The following RTBDN variants were observed in gnomAD, a reference collection of about 807,000 sequenced individuals.
RTBDN encodes retbindin.
Under a neutral mutation model 21.9 loss-of-function variants are expected in RTBDN, and 24 were observed. The observed-to-expected ratio is 1.10, with a 90% CI of 0.79 to 1.54. RTBDN has a LOEUF of 1.54. RTBDN is among the 40% of genes most tolerant of loss of function. The probability of loss-of-function intolerance (pLI) is 0.00; values close to 1 mark genes in which losing one functional copy is unlikely to be tolerated. For missense variants in RTBDN, 325 were observed against 315.2 expected (o/e 1.03, Z -0.23); for synonymous variants, 141 against 125.9 (o/e 1.12, Z -0.80).
chr19:12,833,701 G>T (rs892808794), intron 1 of RTBDN, among the ~76,000 whole-genome samples: 1 of 151,760 alleles, frequency 6.6e-6, no homozygotes, highest in Non-Finnish European at 1.5e-5. Context: ...TCCCATGGGG[G>T]CACCAGGAGG....
intron 4 of RTBDN, among the ~76,000 whole-genome samples, chr19:12,828,211 C>G (rs1406155289): frequency 6.6e-6 from 1 of 151,818 alleles, no homozygotes; most frequent in Non-Finnish European, 1.5e-5. Context: ...GCCTGACCAA[C>G]ATAGTGAAAC....
rs898836291 is a variant in RTBDN, at chr19:12,828,710, C to A, written c.312G>T (p.Arg104=). Residue 104 remains arginine, a synonymous_variant, in exon 4 of 6, where the codon CGG becomes CGT. Coordinates refer to ENST00000674343, the MANE Select transcript of RTBDN (RefSeq NM_001270441.2). ...QRALRSRFRL[R]LLGVRQAQPL... Reference sequence around the variant, plus strand: ...GCTGTGCCTGGCGTACCCCCAATAGCCGCAGGCGGAAGCGACTGCGAAGGG... The same window carrying A: ...GCTGTGCCTGGCGTACCCCCAATAGACGCAGGCGGAAGCGACTGCGAAGGG... The A allele has an allele frequency of 1.9e-6, 3 of 1,614,222 alleles. No homozygotes were observed. Among genetic ancestry groups the A allele is most frequent in the Admixed American group, 1.7e-5 (1 of 60,028 alleles).
rs1969539615 is a variant in RTBDN at position 12,830,698 on chromosome 19, T to C, written c.-18-701A>G. On this transcript the variant is annotated intron_variant, in intron 1 of 5. Coordinates refer to ENST00000674343, the MANE Select transcript of RTBDN (RefSeq NM_001270441.2). The surrounding 1 kb of genome is among the most constrained non-coding windows in gnomAD (Gnocchi z 4.2). ...GGCTGCTGAAAGGGGCGTGGCTTAA[T>C]GCAGGGGCGGGACCTCCCACCGTCC... is the stretch of plus-strand genomic sequence containing the variant. 10 of 985,536 alleles carry C rather than the reference T, an allele frequency of 1.0e-5. No individual in the cohort carries two copies. The highest frequency in any genetic ancestry group is 4.7e-5 in the South Asian group (1 of 21,290). The allele number at this position is 985,536 out of a possible 1,614,324, so 61.0% of individuals were successfully genotyped here.
At chr19:12,832,005 A>G (rs977861019) in intron 1 of RTBDN, among the ~76,000 whole-genome samples, 3 of 151,992 alleles carry the variant, frequency 2.0e-5, no homozygotes, top group African/African-American at 7.3e-5. Flanking sequence ...TTTCCTAAGT[A>G]TGTGTTTGTA....
chr19:12,832,478 G>C (rs141674869), intron 1 of RTBDN: 50 of 152,314 alleles, frequency 3.3e-4, no homozygotes, highest in African/African-American at 1.2e-3. Context: ...CAGCCTCTGG[G>C]CTATGCCTCA....
At chr19:12,829,424 A>G (rs1362712007) in intron 2 of RTBDN, among the ~76,000 whole-genome samples, 1 of 152,126 alleles carries the variant, frequency 6.6e-6, no homozygotes, top group Non-Finnish European at 1.5e-5. Context: ...GCTGGTCTCA[A>G]ACTCCTGACC....
chr19:12,826,924 G>T (rs893298684), intron 4 of RTBDN, 53 bp from the exon 5 acceptor site: 14 of 1,267,048 alleles, frequency 1.1e-5, no homozygotes, highest in African/African-American at 1.5e-5. Flanking sequence ...ACATTCCAGC[G>T]CGATTCTGGC....
chr19:12,829,755 C>A (rs1333284153), intron 2 of RTBDN, 56 bp downstream of exon 2: 4 of 1,545,680 alleles, frequency 2.6e-6, no homozygotes, highest in South Asian at 1.2e-5. Context: ...ATTGTCATGG[C>A]AGGGTAGGTG....
chr19:12,830,984 G>T lies in RTBDN; in HGVS notation c.-18-987C>A, dbSNP rs925458517. ...TGTATGTGTGTTTTTGTTGTATGAG[G>T]TTATGTTTATGTGTGTTTCTTGGTG... On this transcript the variant is annotated intron_variant, in intron 1 of 5. Transcript: ENST00000674343. The surrounding 1 kb of genome is among the most constrained non-coding windows in gnomAD (Gnocchi z 4.2). 7.2e-6 allele frequency among the ~76,000 whole-genome samples: 1 copy of T among 139,658 alleles called. No homozygotes were observed. Among genetic ancestry groups the T allele is most frequent in the Non-Finnish European group, 1.5e-5 (1 of 65,034 alleles). The allele number at this position is 139,658 out of a possible 152,430, so 91.6% of individuals were successfully genotyped here.
Position 12,826,867 on chromosome 19 carries a change from C to G in RTBDN, c.370G>C (p.Ala124Pro), listed in dbSNP as rs1316772363. 1.9e-6 allele frequency: 3 copies of G among 1,550,276 alleles called. No individual in the cohort carries two copies. Among genetic ancestry groups the G allele is most frequent in the Admixed American group, 2.0e-5 (1 of 51,092 alleles). ...LCEELCQAWF[A>P]NCEDDITCGP... ...CAGGTGATATCATCTTCGCAGTTGGCGAACCTGGAGATGGCGAGTGGAGAG... is the reference window on the plus strand; with the variant it reads ...CAGGTGATATCATCTTCGCAGTTGGGGAACCTGGAGATGGCGAGTGGAGAG... The change falls in exon 5 of 6, where the codon GCC (alanine) becomes CCC (proline). Residue 124 changes from alanine to proline, a missense_variant. Transcript: ENST00000674343.
chr19:12,828,467 T>A (rs1361326640), intron 4 of RTBDN, among the ~76,000 whole-genome samples, 190 bp downstream of exon 4: 1 of 152,140 alleles, frequency 6.6e-6, no homozygotes, highest in Non-Finnish European at 1.5e-5. Flanking sequence ...ATATGGCAGG[T>A]ATCTTAAAAG....
chr19:12,835,100 T>C (rs1199240609), upstream of RTBDN: 1 of 1,613,040 alleles, frequency 6.2e-7, no homozygotes, highest in East Asian at 2.2e-5. Context: ...TTCGTCCATT[T>C]CTAGACTCCC....
In RTBDN at chr19:12,830,785, G is replaced by A. The variant is rs1459431522; in HGVS notation, c.-18-788C>T. 4.2e-6 allele frequency: 2 copies of A among 479,720 alleles called. No homozygotes were observed. The highest frequency in any genetic ancestry group is 5.4e-6 in the Non-Finnish European group (2 of 367,948). 29.7% of individuals were successfully genotyped at this position (479,720 alleles called of 1,614,324 possible). On this transcript the variant is annotated intron_variant, in intron 1 of 5. Transcript: ENST00000674343. The surrounding 1 kb of genome is among the most constrained non-coding windows in gnomAD (Gnocchi z 4.2). Reference sequence around the variant, plus strand: ...GGGGCTGGTGTGTATATATCCTTGTGTTTGTTTTTATGTTCAGCTTGTGGC... The same window carrying A: ...GGGGCTGGTGTGTATATATCCTTGTATTTGTTTTTATGTTCAGCTTGTGGC...
intron 4 of RTBDN, among the ~76,000 whole-genome samples, chr19:12,828,093 CAA>C (rs61021695): frequency 0.044 from 5,542 of 125,176 alleles, 199 homozygotes; most frequent in Middle Eastern, 0.094. Flanking sequence ...AACTCCATCT[CAA>C]AAAAAAAAAA....
intron 4 of RTBDN, among the ~76,000 whole-genome samples, chr19:12,828,257 A>G (rs1217859053): frequency 4.7e-5 from 7 of 150,436 alleles, no homozygotes; most frequent in South Asian, 2.1e-4. Context: ...TTAGCCGGGC[A>G]TGGTGGTGTG....
At chr19:12,831,434 G>A (rs1024992454) in intron 1 of RTBDN, among the ~76,000 whole-genome samples, 12 of 152,318 alleles carry the variant, frequency 7.9e-5, no homozygotes, top group African/African-American at 2.9e-4. Context: ...GCCAGGCATG[G>A]TGGTTCACAC....
chr19:12,831,530 C>T (rs944162348), intron 1 of RTBDN, among the ~76,000 whole-genome samples: 1 of 152,096 alleles, frequency 6.6e-6, no homozygotes. Context: ...CGTGGTGAAA[C>T]CCCATCTCTA....
In RTBDN at chr19:12,830,797, G is replaced by T; in HGVS notation, c.-18-800C>A. 2 of 362,548 alleles carry T rather than the reference G, an allele frequency of 5.5e-6. No individual in the cohort carries two copies. Among genetic ancestry groups the T allele is most frequent in the Non-Finnish European group, 7.7e-6 (2 of 260,644 alleles). 22.5% of individuals were successfully genotyped at this position (362,548 alleles called of 1,614,324 possible). On this transcript the variant is annotated intron_variant, in intron 1 of 5. Coordinates refer to ENST00000674343, the MANE Select transcript of RTBDN (RefSeq NM_001270441.2). The surrounding 1 kb of genome is among the most constrained non-coding windows in gnomAD (Gnocchi z 4.2). ...TATATATCCTTGTGTTTGTTTTTAT[G>T]TTCAGCTTGTGGCTTAAGCTCTGTA... is the stretch of plus-strand genomic sequence containing the variant.
chr19:12,835,375 A>G (rs377389102), upstream of RTBDN: 1 of 489,180 alleles, frequency 2.0e-6, no homozygotes, highest in Non-Finnish European at 3.7e-6. Context: ...CAGCTGCGGC[A>G]AAGTTAGAGC....
Sources: gnomAD v4.1 joint callset for allele counts (sites outside exome capture counted in the v4.1 genomes callset) on GRCh38, gnomAD v4.1.1 for gene constraint, Gnocchi (gnomAD v3.1) non-coding constraint, MANE v1.5 for transcripts, NCBI Gene and HGNC (gene_info 2026-07-23, HGNC 2026-07-21) for gene names.